TEAD1: variants seen among roughly 807,000 people sequenced by gnomAD.
TEAD1 encodes transcriptional enhancer factor TEF-1.
Under a neutral mutation model 54.9 loss-of-function variants are expected in TEAD1, and 9 were observed. The observed-to-expected ratio is 0.16, with a 90% CI of 0.10 to 0.29. The LOEUF (loss-of-function observed/expected upper bound fraction) is 0.29, where lower values mean the gene tolerates loss of function less well. TEAD1 is among the 10% of genes least tolerant of loss of function. The pLI, the probability that TEAD1 is intolerant of heterozygous loss-of-function variation, is 1.00. For missense variants in TEAD1, 387 were observed against 535.9 expected (o/e 0.72, Z 2.74); for synonymous variants, 200 against 187.8 (o/e 1.07, Z -0.53).
intron 5 of TEAD1, 39 bp from the exon 6 acceptor site, chr11:12,879,669 C>A (rs374937210): frequency 1.8e-5 from 29 of 1,613,700 alleles, no homozygotes; most frequent in Middle Eastern, 1.6e-4. Flanking sequence ...GGTAGCCATG[C>A]GTTATGTATT....
intron 3 of TEAD1, among the ~76,000 whole-genome samples, chr11:12,840,498 T>C (rs1193613526): frequency 6.6e-6 from 1 of 152,166 alleles, no homozygotes; most frequent in African/African-American, 2.4e-5. Context: ...GGGTTGATCG[T>C]TTCTGCGTAA....
At chr11:12,857,813 G>A (rs867391903) in intron 3 of TEAD1, among the ~76,000 whole-genome samples, 21 of 152,220 alleles carry the variant, frequency 1.4e-4, no homozygotes, top group South Asian at 4.2e-4. Context: ...GGGCCAGTGC[G>A]GTGGCTCATG....
chr11:12,717,054 A>G (rs1944078685), intron 2 of TEAD1, among the ~76,000 whole-genome samples: 1 of 152,234 alleles, frequency 6.6e-6, no homozygotes, highest in African/African-American at 2.4e-5. Context: ...CTGTACAGAG[A>G]AAGGTTCCTG....
intron 3 of TEAD1, among the ~76,000 whole-genome samples, chr11:12,808,427 G>GC (rs1946224060): frequency 6.6e-6 from 1 of 152,162 alleles, no homozygotes; most frequent in Non-Finnish European, 1.5e-5. Flanking sequence ...GTTTCTAGCA[G>GC]CCCAGAGTGA....
intron 10 of TEAD1, chr11:12,922,623 A>C (rs1027390350): frequency 2.0e-5 from 3 of 152,188 alleles, no homozygotes; most frequent in African/African-American, 7.2e-5. Context: ...TATAAAAATT[A>C]GCCAGTCAGA....
At chr11:12,869,013 G>T (rs1947683515) in intron 5 of TEAD1, among the ~76,000 whole-genome samples, 1 of 152,212 alleles carries the variant, frequency 6.6e-6, no homozygotes, top group South Asian at 2.1e-4. Flanking sequence ...TGAAGGCAGA[G>T]AATTTCCATA....
At chr11:12,828,611 C>T (rs1946704640) in intron 3 of TEAD1, among the ~76,000 whole-genome samples, 1 of 149,640 alleles carries the variant, frequency 6.7e-6, no homozygotes, top group South Asian at 2.1e-4. Flanking sequence ...TTTGTTTTCA[C>T]AAAACTGAAG....
intron 9 of TEAD1, among the ~76,000 whole-genome samples, chr11:12,884,442 G>T (rs1419579573): frequency 1.3e-5 from 2 of 152,330 alleles, no homozygotes; most frequent in African/African-American, 2.4e-5. Flanking sequence ...TCGGGAGACA[G>T]TGTCAAGAAT....
At chr11:12,855,939 C>A (rs1034811963) in intron 3 of TEAD1, among the ~76,000 whole-genome samples, 1 of 140,284 alleles carries the variant, frequency 7.1e-6, no homozygotes, top group African/African-American at 2.7e-5. Context: ...CAGAGCTAGA[C>A]CTTGTCTTAA....
rs958368622 is a variant in TEAD1 at position 12,942,486 on chromosome 11, G to C, written c.*5264G>C. On this transcript the variant is annotated 3_prime_UTR_variant, in exon 13 of 13. Coordinates refer to ENST00000527636, the MANE Select transcript of TEAD1 (RefSeq NM_021961.6). ...TGTTTGTGTGTGCTGATGACCTAGT[G>C]TGTCATTTCACCTCGTCACCCAGCC... 1.3e-5 allele frequency: 2 copies of C among 152,178 alleles called. No individual in the cohort carries two copies. The highest frequency in any genetic ancestry group is 3.8e-4 in the East Asian group (2 of 5,198). 9.4% of individuals were successfully genotyped at this position (152,178 alleles called of 1,614,324 possible). A position where few individuals can be genotyped will look rare whatever the true frequency, so the allele number is the denominator to read the frequency against.
intron 2 of TEAD1, among the ~76,000 whole-genome samples, chr11:12,724,097 G>C (rs1944266088): frequency 6.6e-6 from 1 of 152,142 alleles, no homozygotes; most frequent in South Asian, 2.1e-4. Context: ...TATTCCCCAG[G>C]CTCCTTCATG....
intron 3 of TEAD1, among the ~76,000 whole-genome samples, chr11:12,794,309 G>A (rs1158974367): frequency 6.6e-6 from 1 of 152,182 alleles, no homozygotes; most frequent in South Asian, 2.1e-4. Flanking sequence ...ATCCTCATTA[G>A]CGTGATAGTC....
chr11:12,694,050 G>A (rs774481125), intron 2 of TEAD1, among the ~76,000 whole-genome samples: 2 of 152,202 alleles, frequency 1.3e-5, no homozygotes, highest in African/African-American at 4.8e-5. Flanking sequence ...GTCAGGCTGC[G>A]TTGGCACACC....
At chr11:12,930,095 C>T in intron 11 of TEAD1, 79 bp from the exon 12 acceptor site, 2 of 1,564,742 alleles carry the variant, frequency 1.3e-6, no homozygotes, top group Non-Finnish European at 1.8e-6. Flanking sequence ...AACTAAAATG[C>T]TTTTATGGGC....
In TEAD1 at chr11:12,864,652, G is replaced by GTTTTA. The variant is rs1947579679; in HGVS notation, c.268-182_268-181insATTTT. The GTTTTA allele has an allele frequency of 2.2e-6, 3 of 1,385,788 alleles. No individual in the cohort carries two copies. In the African/African-American group the frequency reaches 4.4e-5, roughly 20 times the overall value. 85.8% of individuals were successfully genotyped at this position (1,385,788 alleles called of 1,614,324 possible). Reference sequence around the variant, plus strand: ...GTTTTGTTTTGTTTTGTTTTGTTTTGTTTTGTTTCCCCTCATAAACCCGAA... The same window carrying GTTTTA: ...GTTTTGTTTTGTTTTGTTTTGTTTTGTTTTATTTTGTTTCCCCTCATAAACCCGAA... On this transcript the variant is annotated intron_variant, in intron 4 of 12. Transcript: ENST00000527636.
chr11:12,870,215 A>G (rs570478728), intron 5 of TEAD1, among the ~76,000 whole-genome samples: 96 of 152,318 alleles, frequency 6.3e-4, no homozygotes, highest in African/African-American at 2.2e-3. Flanking sequence ...AATTTGTGCA[A>G]TAGCCATTGG....
Position 12,901,798 on chromosome 11 carries a change from A to T in TEAD1, c.700-142A>T, listed in dbSNP as rs1393678987. On this transcript the variant is annotated intron_variant, in intron 9 of 12. Transcript: ENST00000527636. Reference sequence around the variant, plus strand: ...TATAATCGCTTTTCTAAACATACTCATCATTTCAAAAGCATTGATCCTGGA... The same window carrying T: ...TATAATCGCTTTTCTAAACATACTCTTCATTTCAAAAGCATTGATCCTGGA... The T allele has an allele frequency of 3.7e-5, 34 of 928,022 alleles. No individual in the cohort carries two copies. In the East Asian group the frequency reaches 7.2e-4, roughly 20 times the overall value. 57.5% of individuals were successfully genotyped at this position (928,022 alleles called of 1,614,324 possible).
chr11:12,684,008 A>T (rs1180671767), intron 2 of TEAD1, among the ~76,000 whole-genome samples: 1 of 152,178 alleles, frequency 6.6e-6, no homozygotes, highest in Non-Finnish European at 1.5e-5. Flanking sequence ...GTAAATAGCA[A>T]CTTCAAATGT....
At chr11:12,720,302 GTGTT>G (rs1944165631) in intron 2 of TEAD1, among the ~76,000 whole-genome samples, 1 of 152,096 alleles carries the variant, frequency 6.6e-6, no homozygotes, top group Admixed American at 6.6e-5. Context: ...AATACATTAA[GTGTT>G]TTTATGTGGA....
Sources: gnomAD v4.1 joint callset for allele counts (sites outside exome capture counted in the v4.1 genomes callset) on GRCh38, gnomAD v4.1.1 for gene constraint, MANE v1.5 for transcripts, NCBI Gene and HGNC (gene_info 2026-07-23, HGNC 2026-07-21) for gene names.